The following TBC1D22B variants were observed in gnomAD, a reference collection of about 807,000 sequenced individuals.
TBC1D22B encodes TBC1 domain family member 22B.
TBC1D22B carries 32 observed loss-of-function variants against 69.1 expected under a neutral mutation model. The ratio of observed to expected loss-of-function variants is 0.46; its 90% CI spans 0.35 to 0.62. The LOEUF (loss-of-function observed/expected upper bound fraction) is 0.62, where lower values mean the gene tolerates loss of function less well. TBC1D22B is among the 20% of genes least tolerant of loss of function. TBC1D22B has a pLI of 0.00. For missense variants in TBC1D22B, 462 were observed against 630.9 expected, an observed-to-expected ratio of 0.73 and a Z score of 2.87; for synonymous variants, 206 against 229.8, an observed-to-expected ratio of 0.90 and a Z score of 0.94.
At chr6:37,292,786 G>T (rs779435973) in intron 8 of TBC1D22B, among the ~76,000 whole-genome samples, 5 of 152,098 alleles carry the variant, frequency 3.3e-5, no homozygotes, top group Non-Finnish European at 7.3e-5. Flanking sequence ...TTTATATTTT[G>T]TTCCAAGCAT....
intron 1 of TBC1D22B, among the ~76,000 whole-genome samples, chr6:37,267,426 AAT>A (rs1480337415): frequency 8.2e-5 from 11 of 134,744 alleles, no homozygotes; most frequent in Admixed American, 5.2e-4. Flanking sequence ...ATACACATAT[AAT>A]ATATATACAC....
chr6:37,265,174 A>C (rs760112164), intron 1 of TBC1D22B, among the ~76,000 whole-genome samples: 1 of 152,208 alleles, frequency 6.6e-6, no homozygotes, highest in Non-Finnish European at 1.5e-5. Flanking sequence ...GAAGTCCATC[A>C]TTTATCTTAG....
intron 8 of TBC1D22B, among the ~76,000 whole-genome samples, chr6:37,301,995 T>TG (rs1767586685): frequency 6.6e-6 from 1 of 152,212 alleles, no homozygotes; most frequent in Non-Finnish European, 1.5e-5. Flanking sequence ...AGTGGAGCCG[T>TG]GGGGTCCACA....
Position 37,258,345 on chromosome 6 carries a change from C to T in TBC1D22B, c.56+372C>T, listed in dbSNP as rs533309109. Reference sequence around the variant, plus strand: ...TAGGACTCCCTCTCAGGGGTCTCCACCACGCACAGGTGGTTGGTCGCTCGA... The same window carrying T: ...TAGGACTCCCTCTCAGGGGTCTCCATCACGCACAGGTGGTTGGTCGCTCGA... On this transcript the variant is annotated intron_variant, in intron 1 of 12. Transcript: ENST00000373491. 3.9e-5 allele frequency among the ~76,000 whole-genome samples: 6 copies of T among 152,286 alleles called. No homozygotes were observed. The South Asian group carries it at 1.2e-3, about 32-fold the overall frequency.
intron 2 of TBC1D22B, among the ~76,000 whole-genome samples, chr6:37,277,216 T>A (rs1766695491): frequency 6.6e-6 from 1 of 152,204 alleles, no homozygotes; most frequent in Non-Finnish European, 1.5e-5. Context: ...ATTTATGCAA[T>A]CTTAATGTAC....
chr6:37,313,212 G>A (rs908301300), intron 9 of TBC1D22B, among the ~76,000 whole-genome samples, 188 bp downstream of exon 9: 2 of 148,820 alleles, frequency 1.3e-5, no homozygotes, highest in South Asian at 2.1e-4. Flanking sequence ...ATGGTGGGTC[G>A]GGCACGGTGG....
intron 1 of TBC1D22B, chr6:37,258,264 G>T: frequency 2.3e-6 from 1 of 428,830 alleles, no homozygotes; most frequent in Non-Finnish European, 4.2e-6. Context: ...TGGGTGAATA[G>T]TCAGTGTCGG....
intron 12 of TBC1D22B, 119 bp from the exon 13 acceptor site, chr6:37,330,925 T>G: frequency 9.8e-7 from 1 of 1,022,908 alleles, no homozygotes; most frequent in Non-Finnish European, 1.5e-6. Flanking sequence ...GCTGGACTCT[T>G]TGAGATGTGT....
chr6:37,306,565 A>G (rs943681411), intron 8 of TBC1D22B, among the ~76,000 whole-genome samples: 4 of 152,194 alleles, frequency 2.6e-5, no homozygotes, highest in African/African-American at 9.7e-5. Context: ...TTGGGCTCAT[A>G]TAATCTGGGA....
chr6:37,324,756 C>T (rs532048406), intron 12 of TBC1D22B, among the ~76,000 whole-genome samples: 68 of 152,294 alleles, frequency 4.5e-4, no homozygotes, highest in Middle Eastern at 3.4e-3. Context: ...TCTCTTCTCA[C>T]ACCAGGGCAG....
At chr6:37,325,943 G>C (rs1768387484) in intron 12 of TBC1D22B, among the ~76,000 whole-genome samples, 1 of 152,216 alleles carries the variant, frequency 6.6e-6, no homozygotes, top group African/African-American at 2.4e-5. Flanking sequence ...CCAGGTGGCA[G>C]AGTGGTTCCT....
intron 2 of TBC1D22B, among the ~76,000 whole-genome samples, chr6:37,274,210 G>A (rs1259176952): frequency 2.0e-5 from 3 of 152,174 alleles, no homozygotes; most frequent in Non-Finnish European, 4.4e-5. Context: ...TAGTTACTAA[G>A]ATATCTGGAT....
intron 2 of TBC1D22B, among the ~76,000 whole-genome samples, chr6:37,271,277 C>T (rs960586963): frequency 3.9e-5 from 6 of 152,148 alleles, no homozygotes; most frequent in Admixed American, 1.3e-4. Context: ...CAAGCCACTG[C>T]ACTCCACCCT....
At chr6:37,279,253 T>C in intron 2 of TBC1D22B, 51 bp from the exon 3 acceptor site, 1 of 1,442,422 alleles carries the variant, frequency 6.9e-7, no homozygotes, top group Non-Finnish European at 9.4e-7. Context: ...CAAATGTAGG[T>C]GGTCAGATGT....
chr6:37,260,625 A>G (rs1208449170), intron 1 of TBC1D22B, among the ~76,000 whole-genome samples: 1 of 152,100 alleles, frequency 6.6e-6, no homozygotes, highest in Non-Finnish European at 1.5e-5. Context: ...GAAACTACAT[A>G]CCTGTTTACA....
intron 2 of TBC1D22B, among the ~76,000 whole-genome samples, chr6:37,271,043 T>C (rs1583528772): frequency 1.3e-5 from 2 of 152,276 alleles, no homozygotes; most frequent in Admixed American, 1.3e-4. Context: ...CCAGGCGCAG[T>C]GGCTCATGCC....
At chr6:37,328,173 G>C (rs1768485413) in intron 12 of TBC1D22B, among the ~76,000 whole-genome samples, 1 of 152,010 alleles carries the variant, frequency 6.6e-6, no homozygotes, top group African/African-American at 2.4e-5. Context: ...AATTAGCCAA[G>C]TGTGATGGCT....
chr6:37,299,619 C>T (rs1431580682), intron 8 of TBC1D22B, among the ~76,000 whole-genome samples: 1 of 152,186 alleles, frequency 6.6e-6, no homozygotes, highest in East Asian at 1.9e-4. Flanking sequence ...CAGATAATTG[C>T]AAACTGTGAT....
intron 7 of TBC1D22B, among the ~76,000 whole-genome samples, chr6:37,290,531 G>A (rs923288603): frequency 2.0e-5 from 3 of 152,024 alleles, no homozygotes; most frequent in African/African-American, 7.2e-5. Flanking sequence ...CCCAGTGTAG[G>A]CCTCTGGCTT....
Sources: gnomAD v4.1 joint callset for allele counts (sites outside exome capture counted in the v4.1 genomes callset) on GRCh38, gnomAD v4.1.1 for gene constraint, MANE v1.5 for transcripts, NCBI Gene and HGNC (gene_info 2026-07-23, HGNC 2026-07-21) for gene names.